The following GPC5 variants were observed in gnomAD, a reference collection of about 807,000 sequenced individuals.
GPC5 encodes glypican-5.
GPC5 carries 47 observed loss-of-function variants against 53.9 expected under a neutral mutation model. The observed-to-expected ratio is 0.87, with a 90% CI of 0.69 to 1.11. GPC5 has a LOEUF of 1.11. Ranked by LOEUF, GPC5 falls within the 50% of genes most tolerant of loss-of-function variation. The pLI is 0.00. For synonymous variants in GPC5, 286 were observed against 263.3 expected, an observed-to-expected ratio of 1.09 and a Z score of -0.84; for missense variants, 748 against 713.1, an observed-to-expected ratio of 1.05 and a Z score of -0.56.
chr13:91,929,206 C>A (rs1409808020), intron 6 of GPC5, among the ~76,000 whole-genome samples: 1 of 151,988 alleles, frequency 6.6e-6, no homozygotes, highest in Admixed American at 6.6e-5. Flanking sequence ...GTACATATTT[C>A]TAAAACATTC....
chr13:92,824,720 C>T (rs1430718952), intron 7 of GPC5, among the ~76,000 whole-genome samples: 1 of 16,324 alleles, frequency 6.1e-5, no homozygotes, highest in Non-Finnish European at 1.3e-4. Context: ...ATAGCAAATG[C>T]CTTTTGAAAA....
chr13:92,347,876 T>TATATATA (rs2043431343), intron 7 of GPC5, among the ~76,000 whole-genome samples: 1 of 2,010 alleles, frequency 5.0e-4, no homozygotes, highest in African/African-American at 1.7e-3. Context: ...ATATATATAA[T>TATATATA]ATATATTATA....
At chr13:92,105,959 A>C (rs1182584037) in intron 6 of GPC5, among the ~76,000 whole-genome samples, 1 of 152,002 alleles carries the variant, frequency 6.6e-6, no homozygotes, top group Non-Finnish European at 1.5e-5. Context: ...AAATGGAAGA[A>C]TACAGTATTT....
chr13:92,123,531 T>C (rs1338840669), intron 6 of GPC5, among the ~76,000 whole-genome samples: 2 of 152,194 alleles, frequency 1.3e-5, no homozygotes, highest in African/African-American at 4.8e-5. Flanking sequence ...ATTTTACAAG[T>C]TTGGACTTGC....
At chr13:92,568,868 C>T (rs1298146219) in intron 7 of GPC5, among the ~76,000 whole-genome samples, 1 of 152,112 alleles carries the variant, frequency 6.6e-6, no homozygotes, top group Non-Finnish European at 1.5e-5. Context: ...TGTACTGTCT[C>T]TGCTCTCCCT....
chr13:92,257,301 G>A (rs2042733070), intron 7 of GPC5, among the ~76,000 whole-genome samples: 1 of 151,922 alleles, frequency 6.6e-6, no homozygotes, highest in Non-Finnish European at 1.5e-5. Flanking sequence ...TTCCTTAAGT[G>A]GTGTGACTAT....
rs532782589 is a variant in GPC5, at chr13:91,599,039, A to G, written c.326-94148A>G. On this transcript the variant is annotated intron_variant, in intron 2 of 7. Coordinates refer to ENST00000377067, the MANE Select transcript of GPC5 (RefSeq NM_004466.6). ...ACTATAATATTTTAATCACCTATTT[A>G]TTTTTTAATTTCAGCAGCTTTTGGG... is the stretch of plus-strand genomic sequence containing the variant. 5.3e-5 allele frequency among the ~76,000 whole-genome samples: 8 copies of G among 152,166 alleles called. No homozygotes were observed. The East Asian group carries it at 1.5e-3, about 29-fold the overall frequency.
intron 7 of GPC5, among the ~76,000 whole-genome samples, chr13:92,419,482 T>C (rs927966): frequency 0.46 from 69,644 of 151,962 alleles, 16,602 homozygotes; most frequent in East Asian, 0.61. Context: ...GTGAAATGAC[T>C]AGTGTTAAAT....
chr13:91,591,373 T>C (rs1301725352), intron 2 of GPC5, among the ~76,000 whole-genome samples: 7 of 152,208 alleles, frequency 4.6e-5, no homozygotes, highest in Non-Finnish European at 1.0e-4. Flanking sequence ...TTAGGACTTT[T>C]TCTTTTGTGT....
At chr13:92,071,861 A>C (rs543296191) in intron 6 of GPC5, among the ~76,000 whole-genome samples, 1 of 147,088 alleles carries the variant, frequency 6.8e-6, no homozygotes, top group East Asian at 1.9e-4. Flanking sequence ...AATTTATTAT[A>C]ATATATATAA....
chr13:92,851,805 C>A (rs559811386), intron 7 of GPC5, among the ~76,000 whole-genome samples: 4 of 146,192 alleles, frequency 2.7e-5, no homozygotes, highest in Admixed American at 1.4e-4. Flanking sequence ...AGGAGAATGG[C>A]GTGAACCGGA....
At chr13:92,801,976 ATTTAG>A (rs1876923054) in intron 7 of GPC5, among the ~76,000 whole-genome samples, 1 of 151,934 alleles carries the variant, frequency 6.6e-6, no homozygotes, top group East Asian at 2.0e-4. Flanking sequence ...ATTTTTATAA[ATTTAG>A]TTTAGCCTAA....
intron 7 of GPC5, among the ~76,000 whole-genome samples, chr13:92,653,600 A>T (rs1407118341): frequency 6.6e-6 from 1 of 152,252 alleles, no homozygotes; most frequent in African/African-American, 2.4e-5. Flanking sequence ...TAAATATGTA[A>T]GCAGTTTTCA....
At chr13:92,245,318 C>T (rs536005331) in intron 7 of GPC5, among the ~76,000 whole-genome samples, 1 of 152,252 alleles carries the variant, frequency 6.6e-6, no homozygotes, top group South Asian at 2.1e-4. Flanking sequence ...CTTCCGCATC[C>T]TATCCCCTTA....
intron 6 of GPC5, among the ~76,000 whole-genome samples, chr13:92,054,212 C>A (rs1316716815): frequency 1.4e-5 from 2 of 147,400 alleles, no homozygotes; most frequent in Non-Finnish European, 3.0e-5. Context: ...TGAATTCTGA[C>A]TTTGTTTATT....
intron 6 of GPC5, among the ~76,000 whole-genome samples, chr13:92,112,669 AAGC>A (rs1424476778): frequency 2.6e-5 from 4 of 152,110 alleles, no homozygotes; most frequent in African/African-American, 7.2e-5. Context: ...TTGGGAAAGA[AAGC>A]AGGTGATATG....
intron 7 of GPC5, among the ~76,000 whole-genome samples, chr13:92,463,998 A>G (rs991846465): frequency 6.6e-6 from 1 of 152,164 alleles, no homozygotes; most frequent in African/African-American, 2.4e-5. Context: ...TAGCTATTAT[A>G]TGTTAGGTAG....
At chr13:91,730,181 C>T (rs1482686591) in intron 4 of GPC5, among the ~76,000 whole-genome samples, 1 of 152,198 alleles carries the variant, frequency 6.6e-6, no homozygotes, top group Non-Finnish European at 1.5e-5. Flanking sequence ...ATTTTTATTA[C>T]CACTCTTTAG....
chr13:92,246,409 G>A (rs1427041988), intron 7 of GPC5, among the ~76,000 whole-genome samples: 1 of 152,056 alleles, frequency 6.6e-6, no homozygotes, highest in African/African-American at 2.4e-5. Context: ...ATATTTGATG[G>A]TAGGAGGGAG....
Sources: gnomAD v4.1 joint callset for allele counts (sites outside exome capture counted in the v4.1 genomes callset) on GRCh38, gnomAD v4.1.1 for gene constraint, MANE v1.5 for transcripts, NCBI Gene and HGNC (gene_info 2026-07-23, HGNC 2026-07-21) for gene names.